The following POLR1C variants were observed in gnomAD, a reference collection of about 807,000 sequenced individuals.
The protein encoded by POLR1C is DNA-directed RNA polymerases I and III subunit RPAC1.
A neutral mutation model predicts 38.3 loss-of-function variants in POLR1C; 42 were observed. The ratio of observed to expected loss-of-function variants is 1.10; its 90% confidence interval spans 0.86 to 1.42. The LOEUF (loss-of-function observed/expected upper bound fraction) is 1.42, where lower values mean the gene tolerates loss of function less well. POLR1C is among the 40% of genes most tolerant of loss of function. POLR1C has a pLI of 0.00. For missense variants in POLR1C, 507 were observed against 450.5 expected, an observed-to-expected ratio of 1.13 and a Z score of -1.14; for synonymous variants, 163 against 163.9, an observed-to-expected ratio of 0.99 and a Z score of 0.04.
At chr6:43,554,414 TTTC>T (rs1395674049) in intron 10 of POLR1C, among the ~76,000 whole-genome samples, 1 of 148,356 alleles carries the variant, frequency 6.7e-6, no homozygotes, top group East Asian at 2.0e-4. Context: ...CCCAGCCGCT[TTTC>T]TTTTCTTTTT....
chr6:43,529,264 T>G (rs1291608408), exon 9 of POLR1C: 3 of 1,358,536 alleles, frequency 2.2e-6, no homozygotes, highest in Non-Finnish European at 2.9e-6. Context: ...AAAGATTTGC[T>G]GGCTGCGGTG....
intron 9 of POLR1C, among the ~76,000 whole-genome samples, chr6:43,546,409 T>C (rs569867565): frequency 6.6e-6 from 1 of 152,308 alleles, no homozygotes; most frequent in East Asian, 1.9e-4. Context: ...TGAGAGCTGA[T>C]GTTATTTTTT....
downstream of POLR1C, chr6:43,524,726 C>G: frequency 1.9e-6 from 3 of 1,585,786 alleles, no homozygotes; most frequent in Non-Finnish European, 1.7e-6. Context: ...AGAGATTGCA[C>G]CAGCAATTTG....
At chr6:43,517,982 T>G (rs1191533037) in intron 2 of POLR1C, among the ~76,000 whole-genome samples, 1 of 152,206 alleles carries the variant, frequency 6.6e-6, no homozygotes, top group Non-Finnish European at 1.5e-5. Context: ...TTTTAACCTG[T>G]TGATACAAGG....
chr6:43,552,501 C>T (rs1419497860), intron 10 of POLR1C, among the ~76,000 whole-genome samples: 4 of 152,116 alleles, frequency 2.6e-5, no homozygotes, highest in African/African-American at 7.2e-5. Context: ...TACAGACATG[C>T]ACCAGCATGC....
intron 10 of POLR1C, chr6:43,556,137 G>A (rs1164487205): frequency 2.4e-6 from 2 of 847,350 alleles, no homozygotes; most frequent in African/African-American, 1.7e-5. Flanking sequence ...GAATCCAGAA[G>A]TTTTTGAAAA....
chr6:43,522,788 T>C (rs1156637823), downstream of POLR1C: 2 of 431,470 alleles, frequency 4.6e-6, no homozygotes, highest in Admixed American at 2.4e-5. Flanking sequence ...CTGTATGGAT[T>C]AACTCTGCCT....
At chr6:43,544,313 T>G (rs1305456893) in intron 9 of POLR1C, 1 of 153,860 alleles carries the variant, frequency 6.5e-6, no homozygotes, top group Non-Finnish European at 1.5e-5. Context: ...ATAGGAGTAG[T>G]AAATTTATAG....
rs761832476 is a variant in POLR1C at position 43,520,379 on chromosome 6, C to T, written c.607C>T (p.Arg203Trp). Residue 203 changes from arginine (R) to tryptophan (W), a missense_variant, in exon 6 of 9, where the codon CGG becomes TGG. Arg to Trp is a moderately radical substitution (Grantham distance 101). Transcript: ENST00000642195. ...VHDDILIAQL[R>W]PGQEIDLLMH... ...TGATGATATCCTCATCGCTCAGCTG[C>T]GGCCTGGCCAAGAAATTGACCTGCT... The T allele has an allele frequency of 3.7e-6, 6 of 1,613,842 alleles. No homozygotes were observed. The highest frequency in any genetic ancestry group is 3.3e-5 in the Admixed American group (2 of 60,030).
Position 43,521,244 on chromosome 6 carries a change from C to T in POLR1C, c.985C>T (p.Leu329=). 6.2e-7 allele frequency: 1 copy of T among 1,613,562 alleles called. No homozygotes were observed. Among genetic ancestry groups the T allele is most frequent in the East Asian group, 2.2e-5 (1 of 44,872 alleles). Residue 329 remains leucine, a synonymous_variant, in exon 9 of 9, where the codon CTG becomes TTG. Transcript: ENST00000642195. The part of the protein sequence containing the change: ...DVLVSEAIKV[L]MGKCRRFLDE... ...GCTGGTGAGTGAAGCCATCAAAGTA[C>T]TGATGGGGAAGTGCCGGCGCTTCTT...
At chr6:43,524,446 G>A, downstream of POLR1C, 3 of 1,607,022 alleles carry the variant, frequency 1.9e-6, no homozygotes, top group African/African-American at 1.3e-5. Context: ...GGGGTTGGGA[G>A]CACTATTGAA....
chr6:43,521,522 G>C (rs999242835), downstream of POLR1C: 2 of 1,271,142 alleles, frequency 1.6e-6, no homozygotes, highest in African/African-American at 3.1e-5. Context: ...AACTTTTTGA[G>C]ACTACTTTTG....
downstream of POLR1C, chr6:43,530,543 G>T (rs1029386410): frequency 1.0e-6 from 1 of 987,972 alleles, no homozygotes; most frequent in Non-Finnish European, 1.4e-6. Flanking sequence ...ATCTGCCAGT[G>T]TTTTTAATGA....
intron 9 of POLR1C, among the ~76,000 whole-genome samples, chr6:43,537,831 C>G (rs1794430231): frequency 6.6e-6 from 1 of 152,056 alleles, no homozygotes; most frequent in African/African-American, 2.4e-5. Context: ...CTTTGGGAGG[C>G]TGAGGCAGGT....
chr6:43,517,300 C>T lies in POLR1C; in HGVS notation c.70-6C>T, dbSNP rs201441256. The T allele has an allele frequency of 4.3e-5, 70 of 1,613,886 alleles. No individual in the cohort carries two copies. In the African/African-American group the frequency reaches 6.1e-4, roughly 14 times the overall value. ...CTTCGTGGACAAATTCGTCCCTTTGCTCTAGGTCCATACTACTGACTTTCC... is the reference window on the plus strand; with the variant it reads ...CTTCGTGGACAAATTCGTCCCTTTGTTCTAGGTCCATACTACTGACTTTCC... On this transcript the variant is annotated splice_polypyrimidine_tract_variant and splice_region_variant and intron_variant, in intron 1 of 8. Transcript: ENST00000642195.
chr6:43,522,918 T>C (rs1261582642), downstream of POLR1C: 1 of 171,010 alleles, frequency 5.8e-6, no homozygotes, highest in Admixed American at 6.2e-5. Flanking sequence ...ATGTATTCTT[T>C]TGGAAATGGC....
At position 43,520,747 on chromosome 6, in the gene POLR1C, G is replaced by A. The variant is rs952189913; in HGVS notation, c.778G>A (p.Gly260Ser). Reference protein sequence around the residue: ...AEELSRCFSPGVIEVQEVQGK... With the variant: ...AEELSRCFSPSVIEVQEVQGK... ...GGAGTTGAGCAGGTGCTTCTCACCT[G>A]GTGTTATTGAGGTGCAGGAAGTCCA... The change falls in exon 7 of 9, where the codon GGT becomes AGT. Residue 260 changes from glycine (G) to serine (S), a missense_variant. Gly to Ser is a moderately conservative substitution (Grantham distance 56). Coordinates refer to ENST00000642195, the MANE Select transcript of POLR1C (RefSeq NM_203290.4). 6.2e-7 allele frequency: 1 copy of A among 1,613,980 alleles called. No individual in the cohort carries two copies.
downstream of POLR1C, chr6:43,533,846 A>G (rs1429623371): frequency 3.0e-6 from 4 of 1,311,770 alleles, no homozygotes; most frequent in Admixed American, 7.8e-5. Flanking sequence ...AAACAACAAA[A>G]AAAGGGGACA....
chr6:43,551,390 G>A (rs764463456), intron 10 of POLR1C: 1 of 1,613,886 alleles, frequency 6.2e-7, no homozygotes, highest in South Asian at 1.1e-5. Flanking sequence ...AGGATGAGGG[G>A]ATCCTTGGTA....
Sources: allele counts gnomAD v4.1 joint callset (sites outside exome capture counted in the v4.1 genomes callset), GRCh38; gene constraint gnomAD v4.1.1; transcripts MANE v1.5; gene names NCBI Gene and HGNC (gene_info 2026-07-23, HGNC 2026-07-21).